The following WRAP73 variants were observed in gnomAD, a reference collection of about 807,000 sequenced individuals.
The protein encoded by WRAP73 is WD repeat-containing protein WRAP73.
WRAP73 carries 55 observed loss-of-function variants against 59.6 expected under a neutral mutation model. The observed-to-expected ratio is 0.92, with a 90% confidence interval of 0.74 to 1.15. WRAP73 has a LOEUF of 1.15. Among genes scored for constraint, WRAP73 ranks in the 50% most tolerant of loss-of-function variants. The probability of loss-of-function intolerance (pLI) is 0.00; values close to 1 mark genes in which losing one functional copy is unlikely to be tolerated. For missense variants in WRAP73, 592 were observed against 608.1 expected, an observed-to-expected ratio of 0.97 and a Z score of 0.28; for synonymous variants, 265 against 258.2, an observed-to-expected ratio of 1.03 and a Z score of -0.25.
Position 3,646,702 on chromosome 1 carries a change from C to G in WRAP73, c.303G>C (p.Pro101=). 1 of 1,607,130 alleles carries G rather than the reference C, an allele frequency of 6.2e-7. No homozygotes were observed. Among genetic ancestry groups the G allele is most frequent in the Non-Finnish European group, 8.5e-7 (1 of 1,175,028 alleles). The part of the protein sequence containing the change: ...SAGLVASCWS[P]DGRHILNTTE... The stretch of plus-strand genomic sequence containing the variant: ...TGGTGTTGAGAATGTGGCGCCCGTC[C>G]GGGCTCCAGCACGAGGCCACCAGCC... Residue 101 remains proline (P), a synonymous_variant, in exon 3 of 12, where the codon CCG becomes CCC. Transcript: ENST00000270708. This position sits in a 1 kb window ranked among gnomAD's most constrained non-coding sequence, Gnocchi z 5.1.
intron 8 of WRAP73, 73 bp downstream of exon 8, chr1:3,634,924 C>T: frequency 6.5e-7 from 1 of 1,539,908 alleles, no homozygotes; most frequent in Non-Finnish European, 9.0e-7. Flanking sequence ...ATCAAGAAAG[C>T]AAAGTGAAGG....
At chr1:3,644,377 CCCG>C (rs1644670630) in intron 3 of WRAP73, among the ~76,000 whole-genome samples, 1 of 111,902 alleles carries the variant, frequency 8.9e-6, no homozygotes, top group Non-Finnish European at 2.0e-5. Context: ...ATCCAGTGGC[CCCG>C]CTGAGCCCCG....
rs750620798 is a variant in WRAP73 at position 3,631,119 on chromosome 1, TAG to T, written c.1241-4_1241-3del. On this transcript the variant is annotated splice_region_variant and splice_polypyrimidine_tract_variant and intron_variant, in intron 11 of 11. Coordinates refer to ENST00000270708, the MANE Select transcript of WRAP73 (RefSeq NM_017818.4). The stretch of plus-strand genomic sequence containing the variant: ...ACAGAGAGAGCACTGCAAAGTCGCC[TAG>T]AGAGAGACAGGTGGCCAGAGGATTA... 1.9e-6 allele frequency: 3 copies of T among 1,613,050 alleles called. No individual in the cohort carries two copies. The highest frequency in any genetic ancestry group is 3.3e-5 in the Admixed American group (2 of 59,996).
chr1:3,638,741 T>C lies in WRAP73; in HGVS notation c.412+9A>G, dbSNP rs1399645608. 6.2e-7 allele frequency: 1 copy of C among 1,614,004 alleles called. No individual in the cohort carries two copies. The highest frequency in any genetic ancestry group is 2.2e-5 in the East Asian group (1 of 44,882). On this transcript the variant is annotated intron_variant, in intron 4 of 11. Coordinates refer to ENST00000270708, the MANE Select transcript of WRAP73 (RefSeq NM_017818.4). ...AGAAATGGCTTTTGCGTGGCTCCGATCGACTCACCCTGCAGACAAGCTTTC... is the reference window on the plus strand; with the variant it reads ...AGAAATGGCTTTTGCGTGGCTCCGACCGACTCACCCTGCAGACAAGCTTTC...
rs1644690753 is a variant in WRAP73 at position 3,646,298 on chromosome 1, T to C, written c.339+368A>G. On this transcript the variant is annotated intron_variant, in intron 3 of 11. Transcript: ENST00000270708. The surrounding 1 kb of genome is among the most constrained non-coding windows in gnomAD (Gnocchi z 5.1). ...CCTTTAAATGACGAGCTGAAAGTTCTTGACGCAACAAGGAAAGAAAAAATC... is the reference window on the plus strand; with the variant it reads ...CCTTTAAATGACGAGCTGAAAGTTCCTGACGCAACAAGGAAAGAAAAAATC... Among the ~76,000 whole-genome samples the C allele has an allele frequency of 6.6e-6, 1 of 152,242 alleles. No individual in the cohort carries two copies.
chr1:3,631,674 A>C lies in WRAP73; in HGVS notation c.1049-17T>G. The C allele has an allele frequency of 6.3e-7, 1 of 1,578,566 alleles. No individual in the cohort carries two copies. The highest frequency in any genetic ancestry group is 1.7e-5 in the Admixed American group (1 of 59,356). On this transcript the variant is annotated splice_polypyrimidine_tract_variant and intron_variant, in intron 10 of 11. Transcript: ENST00000270708. Reference sequence around the variant, plus strand: ...GAATGTTGTCTGAGGAAGGAAGGACAGGGCACCGGTGTCATCCCTGCCTGG... The same window carrying C: ...GAATGTTGTCTGAGGAAGGAAGGACCGGGCACCGGTGTCATCCCTGCCTGG...
In WRAP73 at chr1:3,631,111, A is replaced by C. The variant is rs749413282; in HGVS notation, c.1247T>G (p.Phe416Cys). ...ATGCCAGCACAGAGAGAGCACTGCA[A>C]AGTCGCCTAGAGAGAGACAGGTGGC... ...MSVQVPGEGD[F>C]AVLSLCWHLS... Residue 416 changes from phenylalanine (F) to cysteine (C), a missense_variant, in exon 12 of 12, where the codon TTT (phenylalanine) becomes TGT (cysteine). Coordinates refer to ENST00000270708, the MANE Select transcript of WRAP73 (RefSeq NM_017818.4). 6.2e-7 allele frequency: 1 copy of C among 1,613,168 alleles called. No individual in the cohort carries two copies. The highest frequency in any genetic ancestry group is 8.5e-7 in the Non-Finnish European group (1 of 1,180,004).
rs767337967 is a variant in WRAP73, at chr1:3,639,709, T to C, written c.340-887A>G. On this transcript the variant is annotated intron_variant, in intron 3 of 11. Coordinates refer to ENST00000270708, the MANE Select transcript of WRAP73 (RefSeq NM_017818.4). The surrounding 1 kb of genome is among the most constrained non-coding windows in gnomAD (Gnocchi z 4.3). Reference sequence around the variant, plus strand: ...ACAAGGTGCGGGGTGGGGTGCTGACTGCCAGCTCCGTGTGTGGGGACACAG... The same window carrying C: ...ACAAGGTGCGGGGTGGGGTGCTGACCGCCAGCTCCGTGTGTGGGGACACAG... The C allele has an allele frequency of 6.6e-6, 1 of 151,342 alleles. No homozygotes were observed. The highest frequency in any genetic ancestry group is 1.5e-5 in the Non-Finnish European group (1 of 67,994). The allele number at this position is 151,342 out of a possible 1,614,324, so 9.4% of individuals were successfully genotyped here. A position where few individuals can be genotyped will look rare whatever the true frequency, so the allele number is the denominator to read the frequency against.
At chr1:3,631,361 G>A (rs763634694) in intron 11 of WRAP73, 105 bp downstream of exon 11, 11 of 1,426,304 alleles carry the variant, frequency 7.7e-6, no homozygotes, top group Non-Finnish European at 1.0e-5. Context: ...CAGTTTCCCT[G>A]GAGTGCTGCC....
At chr1:3,648,092 C>G (rs1644707930) in intron 1 of WRAP73, among the ~76,000 whole-genome samples, 1 of 152,244 alleles carries the variant, frequency 6.6e-6, no homozygotes, top group African/African-American at 2.4e-5. Flanking sequence ...GCTTTCACTT[C>G]TGCACACATA....
intron 1 of WRAP73, 93 bp downstream of exon 1, chr1:3,649,838 C>G: frequency 7.2e-7 from 1 of 1,384,044 alleles, no homozygotes; most frequent in African/African-American, 1.5e-5. Flanking sequence ...GATCCCCAAG[C>G]TGCCTCCACC....
At chr1:3,638,604 C>T (rs1221038848) in intron 4 of WRAP73, 146 bp downstream of exon 4, 1 of 765,900 alleles carries the variant, frequency 1.3e-6, no homozygotes, top group Non-Finnish European at 2.2e-6. Context: ...TATGAGGAGA[C>T]CTAAGGTCTC....
intron 3 of WRAP73, 26 bp from the exon 4 acceptor site, chr1:3,638,848 A>T (rs775150565): frequency 6.2e-7 from 1 of 1,612,958 alleles, no homozygotes; most frequent in Non-Finnish European, 8.5e-7. Flanking sequence ...GGAAAGAGAA[A>T]GGAAACACTT....
chr1:3,635,994 C>G lies in WRAP73; in HGVS notation c.553G>C (p.Glu185Gln). The change falls in exon 6 of 12, where the codon GAG becomes CAG. Residue 185 changes from glutamate to glutamine, a missense_variant. Physicochemically the swap from Glu to Gln is conservative, Grantham distance 29. Transcript: ENST00000270708. ...DTDTQDLTGI[E>Q]WAPNGCVLAV... ...AGCACACAGCCGTTTGGGGCCCACTCAATCCCTGTGAGATCCTGGGTGTCC... is the reference window on the plus strand; with the variant it reads ...AGCACACAGCCGTTTGGGGCCCACTGAATCCCTGTGAGATCCTGGGTGTCC... The G allele has an allele frequency of 6.2e-7, 1 of 1,614,030 alleles. No homozygotes were observed. Among genetic ancestry groups the G allele is most frequent in the Non-Finnish European group, 8.5e-7 (1 of 1,180,022 alleles).
intron 8 of WRAP73, 87 bp from the exon 9 acceptor site, chr1:3,633,590 G>T (rs1644561158): frequency 1.9e-6 from 2 of 1,032,918 alleles, no homozygotes; most frequent in East Asian, 2.7e-5. Context: ...GACAGCGCAT[G>T]GTCAACAGGT....
intron 8 of WRAP73, 101 bp downstream of exon 8, chr1:3,634,896 G>T: frequency 7.2e-7 from 1 of 1,391,794 alleles, no homozygotes. Flanking sequence ...GAAGTGCCCG[G>T]TTAAATAATA....
At position 3,636,009 on chromosome 1, in the gene WRAP73, C is replaced by T. The variant is rs748237963; in HGVS notation, c.538G>A (p.Asp180Asn). The change falls in exon 6 of 12, where the codon GAT (aspartate) becomes AAT (asparagine). Residue 180 changes from aspartate (D) to asparagine (N), a missense_variant. Asp to Asn is a conservative substitution (Grantham distance 23). Transcript: ENST00000270708. Reference sequence around the variant, plus strand: ...GGGGCCCACTCAATCCCTGTGAGATCCTGGGTGTCCGTATCAAAATGCTTC... The same window carrying T: ...GGGGCCCACTCAATCCCTGTGAGATTCTGGGTGTCCGTATCAAAATGCTTC... Reference protein sequence around the residue: ...LLRHFDTDTQDLTGIEWAPNG... With the variant: ...LLRHFDTDTQNLTGIEWAPNG... The T allele has an allele frequency of 4.3e-6, 7 of 1,613,840 alleles. No individual in the cohort carries two copies. The highest frequency in any genetic ancestry group is 5.9e-6 in the Non-Finnish European group (7 of 1,179,992).
rs780375041 is a variant in WRAP73 at position 3,637,065 on chromosome 1, G to A, written c.446C>T (p.Ala149Val). ...TTTGCAGTCGCGCCGTTCTGCCAGC[G>A]CCATGTAGCGGCCGTCCCTGGTGAA... ...ITFTRDGRYM[A>V]LAERRDCKDY... Residue 149 changes from alanine (A) to valine (V), a missense_variant, in exon 5 of 12, where the codon GCG becomes GTG. By Grantham distance (64) the Ala-to-Val change is moderately conservative. Coordinates refer to ENST00000270708, the MANE Select transcript of WRAP73 (RefSeq NM_017818.4). 2.7e-5 allele frequency: 43 copies of A among 1,612,732 alleles called. No individual in the cohort carries two copies. Among genetic ancestry groups the A allele is most frequent in the South Asian group, 2.3e-4 (21 of 90,922 alleles).
chr1:3,633,325 C>G, intron 9 of WRAP73, 73 bp downstream of exon 9: 2 of 1,408,490 alleles, frequency 1.4e-6, no homozygotes, highest in Non-Finnish European at 2.0e-6. Flanking sequence ...TAAGGAACAT[C>G]CGAAGTTTAT....
Sources: allele counts gnomAD v4.1 joint callset (sites outside exome capture counted in the v4.1 genomes callset), GRCh38; gene constraint gnomAD v4.1.1; non-coding constraint Gnocchi (gnomAD v3.1); transcripts MANE v1.5; gene names NCBI Gene and HGNC (gene_info 2026-07-23, HGNC 2026-07-21).